The following DOK5 variants were observed in gnomAD, a reference collection of about 807,000 sequenced individuals.
The protein encoded by DOK5 is downstream of tyrosine kinase 5.
Under a neutral mutation model 43.3 loss-of-function variants are expected in DOK5, and 27 were observed. The ratio of observed to expected loss-of-function variants is 0.62; its 90% CI spans 0.46 to 0.86. The LOEUF (loss-of-function observed/expected upper bound fraction) is 0.86. DOK5 is among the 40% of genes least tolerant of loss of function. The pLI is 0.00. For synonymous variants in DOK5, 146 were observed against 140.1 expected, an observed-to-expected ratio of 1.04 and a Z score of -0.30; for missense variants, 373 against 392.9, an observed-to-expected ratio of 0.95 and a Z score of 0.43.
rs555006298 is a variant in DOK5, at chr20:54,639,304, C to T, written c.736-4154C>T. ...CATTGCCAGCTTTCTGCAATAGCCC[C>T]TTCTCTACCTCTGTCACCTGGACTT... On this transcript the variant is annotated intron_variant, in intron 6 of 7. Coordinates refer to ENST00000262593, the MANE Select transcript of DOK5 (RefSeq NM_018431.5). Among the ~76,000 whole-genome samples, 7 of 152,354 alleles carry T rather than the reference C, an allele frequency of 4.6e-5. No homozygotes were observed. In the South Asian group the frequency reaches 1.4e-3, roughly 32 times the overall value.
chr20:54,518,011 A>G lies in DOK5; in HGVS notation c.67-36922A>G, dbSNP rs1983259376. Among the ~76,000 whole-genome samples, 6 of 152,256 alleles carry G rather than the reference A, an allele frequency of 3.9e-5. 1 individual carries two copies. The South Asian group carries it at 1.2e-3, about 32-fold the overall frequency. On this transcript the variant is annotated intron_variant, in intron 1 of 7. Coordinates refer to ENST00000262593, the MANE Select transcript of DOK5 (RefSeq NM_018431.5). The stretch of plus-strand genomic sequence containing the variant: ...TAGAGGCCCAAATGGACTCAGCCTT[A>G]CAGTTATTAAGCCCTTCCTTCTTGC...
intron 6 of DOK5, among the ~76,000 whole-genome samples, chr20:54,612,687 A>G (rs528215495): frequency 6.6e-6 from 1 of 152,336 alleles, no homozygotes; most frequent in South Asian, 2.1e-4. Flanking sequence ...TCAGGCCTTC[A>G]GACTGCATAT....
At chr20:54,637,919 A>T (rs779954784) in intron 6 of DOK5, among the ~76,000 whole-genome samples, 1 of 152,270 alleles carries the variant, frequency 6.6e-6, no homozygotes, top group East Asian at 1.9e-4. Context: ...TCAGGAGATC[A>T]AGACCATCGT....
chr20:54,533,244 T>C (rs1188968698), intron 1 of DOK5, among the ~76,000 whole-genome samples: 2 of 152,204 alleles, frequency 1.3e-5, no homozygotes, highest in Admixed American at 6.5e-5. Context: ...TAGAAACCCC[T>C]CTCAGTTGTG....
chr20:54,605,108 T>TACACACACACACACAC (rs11471905), intron 5 of DOK5, among the ~76,000 whole-genome samples: 16 of 148,932 alleles, frequency 1.1e-4, no homozygotes, highest in African/African-American at 4.0e-4. Flanking sequence ...CCATATATTC[T>TACACACACACACACAC]ACACACACAC....
At chr20:54,613,240 C>T (rs559518321) in intron 6 of DOK5, among the ~76,000 whole-genome samples, 7 of 150,814 alleles carry the variant, frequency 4.6e-5, no homozygotes, top group African/African-American at 1.7e-4. Flanking sequence ...CTCTCTCTCG[C>T]CATCTCTCTC....
chr20:54,610,766 T>C (rs953335381), intron 6 of DOK5, among the ~76,000 whole-genome samples: 1 of 152,216 alleles, frequency 6.6e-6, no homozygotes, highest in Non-Finnish European at 1.5e-5. Flanking sequence ...TAAAACTAAT[T>C]TGCGTGTGTA....
chr20:54,587,754 A>G (rs1456070171), intron 2 of DOK5, among the ~76,000 whole-genome samples: 2 of 152,102 alleles, frequency 1.3e-5, no homozygotes, highest in Non-Finnish European at 2.9e-5. Context: ...GAGAGAGAGA[A>G]CGTCTAGTGG....
intron 2 of DOK5, among the ~76,000 whole-genome samples, chr20:54,576,757 G>C (rs1201351272): frequency 1.3e-5 from 2 of 152,216 alleles, no homozygotes; most frequent in Non-Finnish European, 2.9e-5. Context: ...ATAAAACCAA[G>C]TGGTTTTGAG....
intron 6 of DOK5, among the ~76,000 whole-genome samples, chr20:54,622,778 G>T (rs796324939): frequency 3.9e-5 from 6 of 152,248 alleles, no homozygotes; most frequent in African/African-American, 1.4e-4. Context: ...GACCGTGTGG[G>T]CGGTGGTGAG....
intron 2 of DOK5, among the ~76,000 whole-genome samples, chr20:54,584,774 T>TACAC (rs139033675): frequency 0.1 from 14,967 of 146,526 alleles, 1,035 homozygotes; most frequent in African/African-American, 0.2. Context: ...TATCTAGATA[T>TACAC]ACACACACAC....
chr20:54,512,971 C>T (rs2146689019), intron 1 of DOK5, among the ~76,000 whole-genome samples: 1 of 152,308 alleles, frequency 6.6e-6, no homozygotes, highest in African/African-American at 2.4e-5. Context: ...CTGGGCATCT[C>T]ACTGATGGCT....
chr20:54,490,980 G>A (rs1443914199), intron 1 of DOK5, among the ~76,000 whole-genome samples: 5 of 152,146 alleles, frequency 3.3e-5, no homozygotes, highest in East Asian at 3.9e-4. Context: ...GCCATCTCAC[G>A]CTTCCCTTTG....
At chr20:54,502,618 AG>A (rs1353024256) in intron 1 of DOK5, among the ~76,000 whole-genome samples, 1 of 152,234 alleles carries the variant, frequency 6.6e-6, no homozygotes, top group Admixed American at 6.5e-5. Flanking sequence ...ATACATATAT[AG>A]GTATATTTGT....
intron 2 of DOK5, among the ~76,000 whole-genome samples, chr20:54,572,306 A>G (rs1395162391): frequency 1.3e-5 from 2 of 151,626 alleles, no homozygotes; most frequent in African/African-American, 2.4e-5. Context: ...GACTACAGGT[A>G]CTCGCCACCA....
chr20:54,592,492 C>T (rs1316165214), intron 5 of DOK5, among the ~76,000 whole-genome samples: 1 of 151,946 alleles, frequency 6.6e-6, no homozygotes, highest in African/African-American at 2.4e-5. Flanking sequence ...TTTCCTTGTC[C>T]TTCAGTTTTC....
intron 7 of DOK5, among the ~76,000 whole-genome samples, chr20:54,649,412 C>T (rs1307276582): frequency 6.6e-6 from 1 of 151,122 alleles, no homozygotes; most frequent in African/African-American, 2.4e-5. Flanking sequence ...AAAAAAAATA[C>T]ATACAAATAA....
At chr20:54,648,399 A>G (rs1979541241) in intron 7 of DOK5, among the ~76,000 whole-genome samples, 1 of 152,180 alleles carries the variant, frequency 6.6e-6, no homozygotes, top group Non-Finnish European at 1.5e-5. Flanking sequence ...GAAAGTTTTT[A>G]TGATAAAGAA....
chr20:54,643,909 G>A (rs575788318), intron 7 of DOK5, among the ~76,000 whole-genome samples: 1 of 152,326 alleles, frequency 6.6e-6, no homozygotes, highest in South Asian at 2.1e-4. Context: ...ACAGGGTCTG[G>A]GCGAGGGGCC....
Sources: gnomAD v4.1 joint callset for allele counts (sites outside exome capture counted in the v4.1 genomes callset) on GRCh38, gnomAD v4.1.1 for gene constraint, MANE v1.5 for transcripts, NCBI Gene and HGNC (gene_info 2026-07-23, HGNC 2026-07-21) for gene names.